KCNJ12: variants seen among roughly 807,000 people sequenced by gnomAD.
The protein encoded by KCNJ12 is ATP-sensitive inward rectifier potassium channel 12.
Under a neutral mutation model 22.3 loss-of-function variants are expected in KCNJ12, and 2 were observed. The ratio of observed to expected loss-of-function variants is 0.09; its 90% CI spans 0.04 to 0.28. KCNJ12 has a LOEUF of 0.28. Among genes scored for constraint, KCNJ12 ranks in the 10% least tolerant of loss-of-function variants. KCNJ12 has a pLI of 1.00. For synonymous variants in KCNJ12, 117 were observed against 261.4 expected (o/e 0.45, Z 5.33); for missense variants, 155 against 633.3 (o/e 0.24, Z 8.11).
At position 21,419,830 on chromosome 17, in the gene KCNJ12, G is replaced by T. The variant is rs1305929436; in HGVS notation, c.*3186G>T. The T allele has an allele frequency of 6.0e-6, 1 of 167,496 alleles. No homozygotes were observed. The highest frequency in any genetic ancestry group is 1.5e-5 in the Non-Finnish European group (1 of 68,330). The allele number at this position is 167,496 out of a possible 1,614,324, so 10.4% of individuals were successfully genotyped here. On this transcript the variant is annotated 3_prime_UTR_variant, in exon 3 of 3. Transcript: ENST00000583088. ...CATAGCAGTATCTAAAGACGTAGGC[G>T]ATGAGACTAGACCACATTAAATGCA...
At chr17:21,379,553 G>C (rs1324653601) in intron 1 of KCNJ12, among the ~76,000 whole-genome samples, 1 of 152,196 alleles carries the variant, frequency 6.6e-6, no homozygotes, top group East Asian at 1.9e-4. Context: ...CCCTGCCACC[G>C]GCTAGCGTGG....
chr17:21,411,024 C>G (rs1472856249), intron 2 of KCNJ12, among the ~76,000 whole-genome samples: 3 of 152,306 alleles, frequency 2.0e-5, no homozygotes, highest in African/African-American at 7.2e-5. Flanking sequence ...TGGCGCCTCC[C>G]CCTCCGAGTC....
intron 1 of KCNJ12, among the ~76,000 whole-genome samples, chr17:21,388,622 T>G (rs930817790): frequency 6.6e-6 from 1 of 152,196 alleles, no homozygotes; most frequent in Non-Finnish European, 1.5e-5. Flanking sequence ...CAGGAAGTAG[T>G]GTGACGTCGT....
chr17:21,404,210 G>A (rs1358838642), intron 1 of KCNJ12, among the ~76,000 whole-genome samples: 1 of 152,278 alleles, frequency 6.6e-6, no homozygotes, highest in African/African-American at 2.4e-5. Flanking sequence ...TCTTGCCCAA[G>A]GCCTAGTGCC....
rs568552866 is a variant in KCNJ12, at chr17:21,416,572, T to C, written c.1230T>C (p.His410=). 9 of 1,605,660 alleles carry C rather than the reference T, an allele frequency of 5.6e-6. No homozygotes were observed. Among genetic ancestry groups the C allele is most frequent in the African/African-American group, 2.7e-5 (2 of 74,908 alleles). Residue 410 remains histidine, a synonymous_variant, in exon 3 of 3, where the codon CAT becomes CAC. Coordinates refer to ENST00000583088, the MANE Select transcript of KCNJ12 (RefSeq NM_021012.5). ...SRDGLSPQAR[H]DFDRLQAGGG... ...ACGGCCTCAGCCCCCAGGCCAGGCA[T>C]GACTTTGACAGACTCCAGGCTGGCG...
chr17:21,389,564 A>C (rs1442607313), intron 1 of KCNJ12, among the ~76,000 whole-genome samples: 1 of 152,004 alleles, frequency 6.6e-6, no homozygotes, highest in African/African-American at 2.4e-5. Context: ...CCACTCACTC[A>C]TTCACTTAAC....
chr17:21,395,376 C>T (rs1367466087), intron 1 of KCNJ12, among the ~76,000 whole-genome samples: 2 of 149,762 alleles, frequency 1.3e-5, no homozygotes, highest in Non-Finnish European at 3.0e-5. Flanking sequence ...AGGTGGATCA[C>T]TCGAGGCCAG....
intron 1 of KCNJ12, among the ~76,000 whole-genome samples, chr17:21,407,087 C>T (rs1905989873): frequency 6.6e-6 from 1 of 152,298 alleles, no homozygotes; most frequent in South Asian, 2.1e-4. Flanking sequence ...ATGTGCCCAC[C>T]TGCTCATCCA....
chr17:21,398,518 TAACTCTG>T (rs1329760741), intron 1 of KCNJ12, among the ~76,000 whole-genome samples: 1 of 152,212 alleles, frequency 6.6e-6, no homozygotes, highest in Non-Finnish European at 1.5e-5. Context: ...TTGCTGGGGA[TAACTCTG>T]AGGCGTGTTC....
chr17:21,403,597 C>T (rs1316031844), intron 1 of KCNJ12, among the ~76,000 whole-genome samples: 14 of 152,244 alleles, frequency 9.2e-5, no homozygotes, highest in African/African-American at 1.9e-4. Flanking sequence ...CTGTGCCTCC[C>T]GCTGGGGTTC....
intron 1 of KCNJ12, among the ~76,000 whole-genome samples, chr17:21,391,275 G>A (rs559789226): frequency 6.6e-6 from 1 of 152,224 alleles, no homozygotes; most frequent in Admixed American, 6.5e-5. Context: ...CTTGGATGCC[G>A]GTTTCCAGAT....
chr17:21,377,181 C>A (rs574860676), intron 1 of KCNJ12, among the ~76,000 whole-genome samples: 181 of 152,298 alleles, frequency 1.2e-3, no homozygotes, highest in African/African-American at 4.1e-3. Flanking sequence ...AACCTTCGTC[C>A]TGGGGGGCGC....
chr17:21,389,655 G>C (rs1416457814), intron 1 of KCNJ12, among the ~76,000 whole-genome samples: 1 of 152,170 alleles, frequency 6.6e-6, no homozygotes, highest in Non-Finnish European at 1.5e-5. Flanking sequence ...GCAGAGGGTG[G>C]GGGTGTGGTG....
intron 1 of KCNJ12, among the ~76,000 whole-genome samples, chr17:21,386,714 G>T (rs1299002236): frequency 2.6e-5 from 4 of 151,986 alleles, no homozygotes; most frequent in Non-Finnish European, 4.4e-5. Flanking sequence ...CACCATGCTG[G>T]CCAGGATAGT....
At chr17:21,377,223 C>G (rs9896673) in intron 1 of KCNJ12, among the ~76,000 whole-genome samples, 100,630 of 151,968 alleles carry the variant, frequency 0.66, 33,668 homozygotes, top group South Asian at 0.78. Context: ...CTCGGCCCCC[C>G]TCTGACTGGT....
At chr17:21,413,905 G>C (rs1305996325) in intron 2 of KCNJ12, among the ~76,000 whole-genome samples, 6 of 152,290 alleles carry the variant, frequency 3.9e-5, no homozygotes, top group African/African-American at 1.4e-4. Context: ...GCACTGCCCA[G>C]GTGCTAGGGT....
chr17:21,391,947 C>T (rs967077800), intron 1 of KCNJ12, among the ~76,000 whole-genome samples: 6 of 152,238 alleles, frequency 3.9e-5, no homozygotes, highest in Non-Finnish European at 8.8e-5. Context: ...TGGGGCGTTG[C>T]ATGGCTCCAG....
At chr17:21,391,211 C>T (rs1555559277) in intron 1 of KCNJ12, among the ~76,000 whole-genome samples, 1 of 152,240 alleles carries the variant, frequency 6.6e-6, no homozygotes, top group Admixed American at 6.5e-5. Context: ...GTCATGGCTG[C>T]TCAGCCTTTG....
At chr17:21,400,428 C>T (rs1452418402) in intron 1 of KCNJ12, among the ~76,000 whole-genome samples, 1 of 152,304 alleles carries the variant, frequency 6.6e-6, no homozygotes. Context: ...CCGGAATCTC[C>T]TGTGTTTCTC....
Sources: allele counts gnomAD v4.1 joint callset (sites outside exome capture counted in the v4.1 genomes callset), GRCh38; gene constraint gnomAD v4.1.1; transcripts MANE v1.5; gene names NCBI Gene and HGNC (gene_info 2026-07-23, HGNC 2026-07-21).